Variants in PTPRM observed in about 807,000 individuals in gnomAD.
PTPRM encodes the protein protein tyrosine phosphatase receptor type M.
In PTPRM, 47 loss-of-function variants were observed where a neutral mutation model predicts 186.7. The observed-to-expected ratio is 0.25, with a 90% CI of 0.20 to 0.32. PTPRM has a LOEUF of 0.32. PTPRM is among the 10% of genes least tolerant of loss of function. The pLI, the probability that PTPRM is intolerant of heterozygous loss-of-function variation, is 1.00. For missense variants in PTPRM, 1,494 were observed against 1,865.0 expected, an observed-to-expected ratio of 0.80 and a Z score of 3.66; for synonymous variants, 668 against 674.9, an observed-to-expected ratio of 0.99 and a Z score of 0.16.
At chr18:7,733,145 C>A (rs192488779) in intron 1 of PTPRM, among the ~76,000 whole-genome samples, 11 of 152,188 alleles carry the variant, frequency 7.2e-5, no homozygotes, top group Admixed American at 3.3e-4. Context: ...GGTGTACATG[C>A]GCCATGGTGG....
intron 22 of PTPRM, among the ~76,000 whole-genome samples, chr18:8,322,424 T>C (rs571603858): frequency 6.6e-6 from 1 of 152,340 alleles, no homozygotes; most frequent in South Asian, 2.1e-4. Context: ...CCCCTTGGTT[T>C]AATTGTCTTC....
At chr18:8,371,125 C>G in intron 24 of PTPRM, 119 bp downstream of exon 24, 1 of 538,360 alleles carries the variant, frequency 1.9e-6, no homozygotes. Context: ...TAGGCTCTAT[C>G]TGATGGTTTC....
intron 7 of PTPRM, among the ~76,000 whole-genome samples, chr18:7,964,569 G>C (rs2053896017): frequency 6.6e-6 from 1 of 152,090 alleles, no homozygotes; most frequent in Non-Finnish European, 1.5e-5. Context: ...GTCACCTGGT[G>C]GCTCCCGAAT....
At chr18:8,161,378 T>A (rs2093225540) in intron 14 of PTPRM, among the ~76,000 whole-genome samples, 1 of 152,130 alleles carries the variant, frequency 6.6e-6, no homozygotes, top group African/African-American at 2.4e-5. Context: ...GTTAAAATCA[T>A]AACTGCCTAG....
chr18:7,623,070 T>C, intron 1 of PTPRM, among the ~76,000 whole-genome samples: 1 of 152,192 alleles, frequency 6.6e-6, no homozygotes, highest in East Asian at 1.9e-4. Context: ...TTTTATAAAT[T>C]CTCAGCATGT....
chr18:7,696,465 T>C (rs760291276), intron 1 of PTPRM, among the ~76,000 whole-genome samples: 8 of 152,232 alleles, frequency 5.3e-5, no homozygotes, highest in Non-Finnish European at 7.3e-5. Flanking sequence ...TTTATCACTT[T>C]TCTGGCATAT....
chr18:8,325,069 T>C (rs2095367564), intron 22 of PTPRM, among the ~76,000 whole-genome samples: 1 of 152,222 alleles, frequency 6.6e-6, no homozygotes, highest in South Asian at 2.1e-4. Flanking sequence ...GGTTCCTCCA[T>C]TGGCAACTTG....
At chr18:7,729,136 C>T (rs887665170) in intron 1 of PTPRM, among the ~76,000 whole-genome samples, 4 of 152,096 alleles carry the variant, frequency 2.6e-5, no homozygotes, top group African/African-American at 9.7e-5. Context: ...GTCTCAAACT[C>T]GTGGGCTCAA....
chr18:7,998,469 G>T (rs1266977716), intron 7 of PTPRM, among the ~76,000 whole-genome samples: 2 of 152,024 alleles, frequency 1.3e-5, no homozygotes, highest in African/African-American at 4.8e-5. Context: ...ACAATTATGT[G>T]AAATTTTTAT....
rs200348105 is a variant in PTPRM at position 7,732,177 on chromosome 18, C to T, written c.74-41972C>T. Among the ~76,000 whole-genome samples the T allele has an allele frequency of 3.3e-5, 5 of 152,246 alleles. No individual in the cohort carries two copies. The East Asian group carries it at 7.7e-4, about 24-fold the overall frequency. ...GTTCCTTCTTTGCCTTCTCTGTCTTCCTAATGTGGCAATGAAGGTTCAACA... is the reference window on the plus strand; with the variant it reads ...GTTCCTTCTTTGCCTTCTCTGTCTTTCTAATGTGGCAATGAAGGTTCAACA... On this transcript the variant is annotated intron_variant, in intron 1 of 32. Transcript: ENST00000580170.
chr18:7,958,176 C>G (rs1361162893), intron 7 of PTPRM, among the ~76,000 whole-genome samples: 1 of 148,510 alleles, frequency 6.7e-6, no homozygotes, highest in East Asian at 2.0e-4. Flanking sequence ...TATAAATTAT[C>G]CCTGTGATGT....
In PTPRM at chr18:7,652,088, C is replaced by T. The variant is rs1022330698; in HGVS notation, c.73+84197C>T. On this transcript the variant is annotated intron_variant, in intron 1 of 32. Transcript: ENST00000580170. ...ACAAACAACCCCATCTAAAAATGGG[C>T]GAAGGACATGGACACACTCTTCTCA... Among the ~76,000 whole-genome samples, 82 of 152,278 alleles carry T rather than the reference C, an allele frequency of 5.4e-4. 1 individual carries two copies. Among genetic ancestry groups the T allele is most frequent in the African/African-American group, 1.9e-3 (78 of 41,560 alleles).
At chr18:8,235,656 G>A (rs982463995) in intron 14 of PTPRM, among the ~76,000 whole-genome samples, 2 of 151,316 alleles carry the variant, frequency 1.3e-5, no homozygotes, top group African/African-American at 4.9e-5. Context: ...CCGTAGGTGG[G>A]AGCTTAGATT....
At chr18:7,850,832 A>G (rs953293546) in intron 2 of PTPRM, among the ~76,000 whole-genome samples, 2 of 152,236 alleles carry the variant, frequency 1.3e-5, no homozygotes, top group Non-Finnish European at 2.9e-5. Context: ...TCAATTAAAA[A>G]TAACCAGGTA....
intron 2 of PTPRM, among the ~76,000 whole-genome samples, chr18:7,863,892 G>A (rs2146088273): frequency 6.6e-6 from 1 of 152,170 alleles, no homozygotes; most frequent in African/African-American, 2.4e-5. Flanking sequence ...GGTCACCATT[G>A]TAACTGGCGT....
At chr18:7,763,718 A>G (rs1598575064) in intron 1 of PTPRM, among the ~76,000 whole-genome samples, 1 of 152,208 alleles carries the variant, frequency 6.6e-6, no homozygotes, top group African/African-American at 2.4e-5. Context: ...AAAAATGTTC[A>G]TTGAGGGAAG....
intron 1 of PTPRM, among the ~76,000 whole-genome samples, chr18:7,628,591 A>G (rs139395563): frequency 8.8e-4 from 134 of 152,356 alleles, no homozygotes; most frequent in Admixed American, 3.1e-3. Flanking sequence ...TTTAATTTAA[A>G]GGAAAACTAA....
At chr18:8,136,310 A>G (rs1016411985) in intron 13 of PTPRM, among the ~76,000 whole-genome samples, 3 of 152,240 alleles carry the variant, frequency 2.0e-5, no homozygotes, top group African/African-American at 7.2e-5. Flanking sequence ...TCAAATGGAA[A>G]AAATAAAACT....
chr18:8,330,876 C>T (rs1333353722), intron 22 of PTPRM, among the ~76,000 whole-genome samples: 1 of 152,284 alleles, frequency 6.6e-6, no homozygotes, highest in South Asian at 2.1e-4. Context: ...GCTCCCCATG[C>T]ATGCCGCCAT....
Sources: gnomAD v4.1 joint callset for allele counts (sites outside exome capture counted in the v4.1 genomes callset) on GRCh38, gnomAD v4.1.1 for gene constraint, MANE v1.5 for transcripts, NCBI Gene and HGNC (gene_info 2026-07-23, HGNC 2026-07-21) for gene names.